ZNF544: variants seen among roughly 807,000 people sequenced by gnomAD.
ZNF544 encodes the protein zinc finger protein 544.
Under a neutral mutation model 13.5 loss-of-function variants are expected in ZNF544, and 10 were observed. The ratio of observed to expected loss-of-function variants is 0.74; its 90% CI spans 0.46 to 1.25. The LOEUF (loss-of-function observed/expected upper bound fraction) is 1.25. Among genes scored for constraint, ZNF544 ranks in the 50% most tolerant of loss-of-function variants. The probability of loss-of-function intolerance (pLI) is 0.00; values close to 1 mark genes in which losing one functional copy is unlikely to be tolerated. For missense variants in ZNF544, 896 were observed against 845.6 expected, an observed-to-expected ratio of 1.06 and a Z score of -0.74; for synonymous variants, 323 against 300.5, an observed-to-expected ratio of 1.07 and a Z score of -0.77.
intron 3 of ZNF544, among the ~76,000 whole-genome samples, chr19:58,234,469 T>TGGGTCC: frequency 6.6e-6 from 1 of 152,258 alleles, no homozygotes; most frequent in Non-Finnish European, 1.5e-5. Context: ...TTGCTGGGTC[T>TGGGTCC]GGGTCCCACT....
At position 58,262,175 on chromosome 19, in the gene ZNF544, C is replaced by G. The variant is rs138820451; in HGVS notation, c.1569C>G (p.Asn523Lys). 1.7e-4 allele frequency: 281 copies of G among 1,613,416 alleles called. 1 individual carries two copies. In the African/African-American group the frequency reaches 3.0e-3, roughly 17 times the overall value. The change falls in exon 7 of 7, where the codon AAC (asparagine) becomes AAG (lysine). Residue 523 changes from asparagine to lysine, a missense_variant. Transcript: ENST00000687789. ...THTGEKPYEC[N>K]LCGKSFSQSS... Reference sequence around the variant, plus strand: ...CTGGAGAGAAGCCCTATGAGTGCAACCTGTGTGGGAAATCCTTCTCCCAGA... The same window carrying G: ...CTGGAGAGAAGCCCTATGAGTGCAAGCTGTGTGGGAAATCCTTCTCCCAGA...
Position 58,261,055 on chromosome 19 carries a change from T to C in ZNF544, c.449T>C (p.Leu150Pro). The change falls in exon 7 of 7, where the codon CTG becomes CCG. Residue 150 changes from leucine to proline, a missense_variant. Coordinates refer to ENST00000687789, the MANE Select transcript of ZNF544 (RefSeq NM_014480.4). ...TTCATGGTACTCACCTCAGAGAGAC[T>C]GTTTGCTCAAAGGGAACATTGTGAG... ...LRFMVLTSER[L>P]FAQREHCELE... 1.2e-6 allele frequency: 2 copies of C among 1,614,224 alleles called. No individual in the cohort carries two copies. The highest frequency in any genetic ancestry group is 1.7e-5 in the Admixed American group (1 of 60,022).
intron 5 of ZNF544, among the ~76,000 whole-genome samples, chr19:58,270,387 C>T (rs1600429430): frequency 3.3e-5 from 5 of 151,588 alleles, no homozygotes; most frequent in South Asian, 2.1e-4. Flanking sequence ...CTGTAACCTC[C>T]GCCTCCCGGG....
downstream of ZNF544, chr19:58,263,686 C>A: frequency 1.7e-6 from 1 of 601,644 alleles, no homozygotes; most frequent in Non-Finnish European, 2.1e-6. Context: ...GGTGAGTGGG[C>A]ATGGTGGCTC....
chr19:58,272,785 T>G (rs909960980), intron 5 of ZNF544, among the ~76,000 whole-genome samples: 1 of 149,232 alleles, frequency 6.7e-6, no homozygotes, highest in Admixed American at 6.7e-5. Context: ...GAGAATTGCT[T>G]GAACCGGGAC....
chr19:58,239,826 G>A (rs1157958814), intron 3 of ZNF544, among the ~76,000 whole-genome samples: 2 of 151,596 alleles, frequency 1.3e-5, no homozygotes, highest in African/African-American at 4.8e-5. Flanking sequence ...TTGAACCCAG[G>A]AGACTGAGGT....
At chr19:58,234,155 T>TTC (rs752609335) in intron 3 of ZNF544, among the ~76,000 whole-genome samples, 4 of 152,172 alleles carry the variant, frequency 2.6e-5, no homozygotes, top group Admixed American at 6.6e-5. Context: ...CAGCAATGCC[T>TTC]TCTCTCTCTC....
At chr19:58,273,621 T>C (rs1203496023) in intron 5 of ZNF544, among the ~76,000 whole-genome samples, 2 of 136,438 alleles carry the variant, frequency 1.5e-5, no homozygotes, top group Admixed American at 7.8e-5. Flanking sequence ...ACCCGGGAGG[T>C]GGAGATTGCA....
At chr19:58,235,590 G>C (rs2042209117) in intron 3 of ZNF544, among the ~76,000 whole-genome samples, 3 of 152,082 alleles carry the variant, frequency 2.0e-5, no homozygotes, top group Admixed American at 2.0e-4. Context: ...CTTGAAAATT[G>C]CTAAGAAAGT....
chr19:58,231,844 T>C (rs1033596972), intron 3 of ZNF544: 2 of 152,098 alleles, frequency 1.3e-5, no homozygotes, highest in Admixed American at 6.6e-5. Flanking sequence ...TTTTTTGTTT[T>C]GTTTTGTTTT....
At chr19:58,232,203 T>A (rs2041387653) in intron 3 of ZNF544, among the ~76,000 whole-genome samples, 1 of 152,056 alleles carries the variant, frequency 6.6e-6, no homozygotes, top group African/African-American at 2.4e-5. Flanking sequence ...ACGCTCTACT[T>A]AGAAGAGTCA....
rs1325677431 is a variant in ZNF544, at chr19:58,261,322, A to G, written c.716A>G (p.Lys239Arg). 1 of 1,614,202 alleles carries G rather than the reference A, an allele frequency of 6.2e-7. No individual in the cohort carries two copies. The highest frequency in any genetic ancestry group is 1.1e-5 in the South Asian group (1 of 91,086). The part of the protein sequence containing the change: ...SKLGNVETGK[K>R]NPYEYIVSGD... ...CTTGGAAACGTTGAAACAGGAAAGA[A>G]AAACCCTTATGAATATATTGTCAGT... Residue 239 changes from lysine to arginine, a missense_variant, in exon 7 of 7, where the codon AAA (lysine) becomes AGA (arginine). Transcript: ENST00000687789.
chr19:58,276,331 A>AT lies in ZNF544; in HGVS notation c.254dup (p.Met85IlefsTer16). 8.1e-7 allele frequency: 1 copy of AT among 1,231,484 alleles called. No individual in the cohort carries two copies. Among genetic ancestry groups the AT allele is most frequent in the Non-Finnish European group, 1.0e-6 (1 of 987,758 alleles). The allele number at this position is 1,231,484 out of a possible 1,614,324, so 76.3% of individuals were successfully genotyped here. A position where few individuals can be genotyped will look rare whatever the true frequency, so the allele number is the denominator to read the frequency against. ...ACCTTCTCTGCCTACAGAGAAGGGG[A>AT]TGCTGCCTGGGAGCTTTTTGGGACT... On this transcript the variant is annotated frameshift_variant, in exon 6 of 7. Coordinates refer to the ZNF544 transcript ENST00000595981. LOFTEE classifies it high-confidence loss of function.
chr19:58,229,128 C>G (rs1472766560), intron 1 of ZNF544, 182 bp downstream of exon 1: 2 of 152,454 alleles, frequency 1.3e-5, no homozygotes, highest in South Asian at 2.1e-4. Flanking sequence ...GGATCGGGAT[C>G]TCTCCGGCCT....
intron 3 of ZNF544, among the ~76,000 whole-genome samples, chr19:58,240,093 T>C (rs866914042): frequency 7.9e-5 from 12 of 152,166 alleles, no homozygotes; most frequent in Middle Eastern, 3.4e-3. Flanking sequence ...GGATGTGTTA[T>C]GTAGGCATGG....
chr19:58,274,540 C>G (rs761314823), intron 5 of ZNF544, among the ~76,000 whole-genome samples: 6 of 152,184 alleles, frequency 3.9e-5, no homozygotes, highest in Non-Finnish European at 8.8e-5. Context: ...TATGCCAACA[C>G]TTTGATCTCA....
chr19:58,237,017 G>A (rs578200496), intron 3 of ZNF544, among the ~76,000 whole-genome samples: 2 of 151,304 alleles, frequency 1.3e-5, no homozygotes, highest in Admixed American at 6.6e-5. Flanking sequence ...CTGGGATTAC[G>A]GAAGTGAGCC....
intron 6 of ZNF544, among the ~76,000 whole-genome samples, chr19:58,255,194 G>A (rs927189991): frequency 2.0e-5 from 3 of 149,828 alleles, no homozygotes; most frequent in East Asian, 2.0e-4. Flanking sequence ...AGCCTTAGAC[G>A]GAGTTTTGGT....
chr19:58,257,594 C>G (rs1225530356), intron 6 of ZNF544: 1 of 152,220 alleles, frequency 6.6e-6, no homozygotes, highest in Admixed American at 6.5e-5. Flanking sequence ...GGGGGAGTTG[C>G]AAAGGGAGTA....
Sources: gnomAD v4.1 joint callset for allele counts (sites outside exome capture counted in the v4.1 genomes callset) on GRCh38, gnomAD v4.1.1 for gene constraint, MANE v1.5 for transcripts, NCBI Gene and HGNC (gene_info 2026-07-23, HGNC 2026-07-21) for gene names.